Variants in PLEKHG5 observed in about 807,000 individuals in gnomAD.
PLEKHG5 encodes pleckstrin homology and RhoGEF domain containing G5, also known as pleckstrin homology domain-containing family G member 5.
Under a neutral mutation model 103.8 loss-of-function variants are expected in PLEKHG5, and 52 were observed. The ratio of observed to expected loss-of-function variants is 0.50; its 90% confidence interval spans 0.40 to 0.63. The LOEUF (loss-of-function observed/expected upper bound fraction) is 0.63, where lower values mean the gene tolerates loss of function less well. Among genes scored for constraint, PLEKHG5 ranks in the 30% least tolerant of loss-of-function variants. The pLI is 0.00. For missense variants in PLEKHG5, 1,205 were observed against 1,347.6 expected, an observed-to-expected ratio of 0.89 and a Z score of 1.66; for synonymous variants, 592 against 575.5, an observed-to-expected ratio of 1.03 and a Z score of -0.41.
upstream of PLEKHG5, among the ~76,000 whole-genome samples, chr1:6,499,423 G>A (rs1244560378): frequency 2.0e-5 from 3 of 152,178 alleles, no homozygotes; most frequent in Non-Finnish European, 2.9e-5. Context: ...CAGGCTCCAG[G>A]TGCTCACCCT....
At chr1:6,496,964 G>T, upstream of PLEKHG5, 3 of 1,529,830 alleles carry the variant, frequency 2.0e-6, no homozygotes, top group Non-Finnish European at 2.6e-6. Flanking sequence ...CTTACGCCCT[G>T]CATCGCTCCC....
Position 6,471,497 on chromosome 1 carries a change from G to A in PLEKHG5, c.1272C>T (p.Gly424=). The A allele has an allele frequency of 1.9e-6, 3 of 1,610,642 alleles. No homozygotes were observed. Among genetic ancestry groups the A allele is most frequent in the Non-Finnish European group, 1.7e-6 (2 of 1,179,106 alleles). Reference sequence around the variant, plus strand: ...CCGGCCCCGCCCGTACCATCTTGAAGCCTTTGAGGAAGTCCCCGGGCTGTA... The same window carrying A: ...CCGGCCCCGCCCGTACCATCTTGAAACCTTTGAGGAAGTCCCCGGGCTGTA... ...ALLQPGDFLK[G]FKMFGSLFKP... The change falls in exon 12 of 21, where the codon GGC becomes GGT. Residue 424 remains glycine, a synonymous_variant. Transcript: ENST00000377728.
At position 6,468,064 on chromosome 1, in the gene PLEKHG5, C is replaced by T. The variant is rs1644444867; in HGVS notation, c.2772G>A (p.Gly924=). 8.9e-6 allele frequency: 14 copies of T among 1,574,806 alleles called. No homozygotes were observed. Among genetic ancestry groups the T allele is most frequent in the Admixed American group, 1.8e-5 (1 of 54,956 alleles). Residue 924 remains glycine, a synonymous_variant, in exon 20 of 21, where the codon GGG becomes GGA. Coordinates refer to ENST00000377728, the MANE Select transcript of PLEKHG5 (RefSeq NM_020631.6). ...GGGCCCCTCGGCAATCCCAGCTGGG[C>T]CCAGCTTCCTGAGGGGAGCCCTGAG... The part of the protein sequence containing the change: ...IRTQGSPQEA[G]PSWDCRGAPS...
At chr1:6,478,569 C>T (rs11121914) in intron 1 of PLEKHG5, among the ~76,000 whole-genome samples, 2,126 of 152,318 alleles carry the variant, frequency 0.014, 27 homozygotes, top group Middle Eastern at 0.051. Flanking sequence ...TATCAGTATT[C>T]ACGACTTCCT....
rs1645143640 is a variant in PLEKHG5 at position 6,491,077 on chromosome 1, T to C, written c.-88+560A>G. On this transcript the variant is annotated intron_variant, in intron 1 of 20. Transcript: ENST00000377728. The surrounding 1 kb of genome is among the most constrained non-coding windows in gnomAD (Gnocchi z 4.1). The stretch of plus-strand genomic sequence containing the variant: ...CGCGGTGCCCCAGAAACAGCCCGCT[T>C]TTCTCTGGGCCCCCTCTTTTTTTTT... Among the ~76,000 whole-genome samples the C allele has an allele frequency of 6.6e-6, 1 of 151,920 alleles. No individual in the cohort carries two copies. Among genetic ancestry groups the C allele is most frequent in the African/African-American group, 2.4e-5 (1 of 41,368 alleles).
intron 16 of PLEKHG5, 103 bp from the exon 17 acceptor site, chr1:6,469,779 C>T (rs1242776896): frequency 4.8e-6 from 5 of 1,044,526 alleles, no homozygotes; most frequent in Non-Finnish European, 7.2e-6. Flanking sequence ...GTCAAACACT[C>T]CTCCCACCAT....
At chr1:6,485,531 C>A in intron 1 of PLEKHG5, 1 of 1,207,964 alleles carries the variant, frequency 8.3e-7, no homozygotes, top group Middle Eastern at 3.2e-4. Context: ...CGCCCGCCCC[C>A]GCCGAGCGCG....
chr1:6,493,340 C>T (rs1284356166), upstream of PLEKHG5, among the ~76,000 whole-genome samples: 2 of 152,134 alleles, frequency 1.3e-5, no homozygotes, highest in Admixed American at 6.5e-5. Context: ...GGCCTGGCAC[C>T]GACAGATGCT....
At chr1:6,489,588 C>G (rs1645107224) in intron 1 of PLEKHG5, among the ~76,000 whole-genome samples, 1 of 152,208 alleles carries the variant, frequency 6.6e-6, no homozygotes, top group Non-Finnish European at 1.5e-5. Flanking sequence ...CAGTTCCCAG[C>G]CCCAGACCCC....
chr1:6,515,928 G>T (rs993993704), intron 1 of PLEKHG5, among the ~76,000 whole-genome samples: 1 of 152,172 alleles, frequency 6.6e-6, no homozygotes, highest in African/African-American at 2.4e-5. Context: ...ATATCTCAGG[G>T]ACATGGACAT....
chr1:6,470,771 G>A lies in PLEKHG5; in HGVS notation c.1506C>T (p.Thr502=), dbSNP rs570632527. The A allele has an allele frequency of 4.5e-6, 7 of 1,567,276 alleles. No individual in the cohort carries two copies. The South Asian group carries it at 7.0e-5, about 16-fold the overall frequency. The change falls in exon 14 of 21, where the codon ACC becomes ACT. Residue 502 remains threonine, a synonymous_variant. Transcript: ENST00000377728. ...CGGCCTCCTTGGCGCGCGGCTCCTC[G>A]GTCTTCCTCAGCACCGACTTGAGCA... ...PLLLKSVLRK[T]EEPRAKEAVV...
chr1:6,467,937 T>TG lies in PLEKHG5; in HGVS notation c.2898dup (p.Arg967GlnfsTer5). On this transcript the variant is annotated frameshift_variant, in exon 20 of 21. Coordinates refer to ENST00000377728, the MANE Select transcript of PLEKHG5 (RefSeq NM_020631.6). LOFTEE classifies it high-confidence loss of function. ...CCTGGTGGGGGCTCAGGCTGGACCC[T>TG]GGGAGAGGCCCCCGAGGGCAGGTCT... 6.3e-7 allele frequency: 1 copy of TG among 1,585,108 alleles called. No homozygotes were observed. Among genetic ancestry groups the TG allele is most frequent in the Non-Finnish European group, 8.6e-7 (1 of 1,167,008 alleles).
intron 1 of PLEKHG5, among the ~76,000 whole-genome samples, chr1:6,478,037 T>C (rs1052231829): frequency 2.4e-4 from 37 of 151,998 alleles, no homozygotes; most frequent in African/African-American, 8.4e-4. Flanking sequence ...CACACCACCA[T>C]GCCCAGCTAA....
chr1:6,480,710 G>A (rs1251318743), intron 1 of PLEKHG5, among the ~76,000 whole-genome samples: 4 of 150,808 alleles, frequency 2.7e-5, no homozygotes, highest in African/African-American at 7.3e-5. Context: ...GTGCAGTGCC[G>A]CAATCTCGGC....
At chr1:6,470,485 C>T (rs1308404478) in intron 15 of PLEKHG5, 21 bp downstream of exon 15, 1 of 1,610,802 alleles carries the variant, frequency 6.2e-7, no homozygotes, top group Non-Finnish European at 8.5e-7. Context: ...GCCGGCAACC[C>T]CCGCAGACAC....
chr1:6,474,332 G>A (rs1326432952), intron 6 of PLEKHG5, 119 bp downstream of exon 6: 3 of 1,367,840 alleles, frequency 2.2e-6, no homozygotes, highest in African/African-American at 2.9e-5. Flanking sequence ...AGAGACACCT[G>A]TATGGTAATG....
intron 3 of PLEKHG5, 65 bp from the exon 4 acceptor site, chr1:6,475,587 G>C: frequency 7.2e-7 from 1 of 1,381,328 alleles, no homozygotes; most frequent in Non-Finnish European, 1.0e-6. Flanking sequence ...TGGGCGGCGA[G>C]TGGGCCTGTG....
chr1:6,485,498 C>G (rs1021572737), intron 1 of PLEKHG5: 24 of 1,237,740 alleles, frequency 1.9e-5, no homozygotes, highest in Non-Finnish European at 2.3e-5. Flanking sequence ...CGCGGAGCCC[C>G]GCTTCCTGCC....
chr1:6,476,595 C>T (rs913447460), intron 2 of PLEKHG5, among the ~76,000 whole-genome samples: 2 of 152,156 alleles, frequency 1.3e-5, no homozygotes, highest in Non-Finnish European at 1.5e-5. Context: ...CCTGTGGCCT[C>T]AGTTTACCCT....
Sources: allele counts gnomAD v4.1 joint callset (sites outside exome capture counted in the v4.1 genomes callset), GRCh38; gene constraint gnomAD v4.1.1; non-coding constraint Gnocchi (gnomAD v3.1); transcripts MANE v1.5; gene names NCBI Gene and HGNC (gene_info 2026-07-23, HGNC 2026-07-21).